Variants in ENPP6 observed in about 807,000 individuals in gnomAD.
ENPP6 encodes glycerophosphocholine cholinephosphodiesterase ENPP6.
ENPP6 carries 32 observed loss-of-function variants against 42.0 expected under a neutral mutation model. The ratio of observed to expected loss-of-function variants is 0.76; its 90% CI spans 0.58 to 1.02. The LOEUF is 1.02. ENPP6 is among the 50% of genes least tolerant of loss of function. The pLI, the probability that ENPP6 is intolerant of heterozygous loss-of-function variation, is 0.00. For synonymous variants in ENPP6, 213 were observed against 216.0 expected (o/e 0.99, Z 0.12); for missense variants, 552 against 566.8 (o/e 0.97, Z 0.27).
chr4:184,106,413 T>G (rs1447055721), intron 6 of ENPP6, among the ~76,000 whole-genome samples: 1 of 152,184 alleles, frequency 6.6e-6, no homozygotes, highest in East Asian at 1.9e-4. Flanking sequence ...AGCCCCATCT[T>G]GTTGCCACGT....
At chr4:184,166,658 C>T (rs1737353153) in intron 1 of ENPP6, among the ~76,000 whole-genome samples, 1 of 152,190 alleles carries the variant, frequency 6.6e-6, no homozygotes, top group Non-Finnish European at 1.5e-5. Context: ...AATGAAATCT[C>T]TTTTGAGGCA....
intron 1 of ENPP6, among the ~76,000 whole-genome samples, chr4:184,216,396 G>A (rs889844017): frequency 5.3e-5 from 8 of 151,870 alleles, no homozygotes; most frequent in South Asian, 2.1e-4. Context: ...TTATTTCTCC[G>A]AAGTATCTCT....
chr4:184,150,252 G>C (rs1304192680), intron 2 of ENPP6, among the ~76,000 whole-genome samples: 2 of 151,994 alleles, frequency 1.3e-5, no homozygotes, highest in African/African-American at 4.8e-5. Context: ...CTTCACTGTG[G>C]GTCAATTTTT....
rs1364100517 is a variant in ENPP6, at chr4:184,091,072, G to C, written c.*105C>G. The stretch of plus-strand genomic sequence containing the variant: ...ATGTATTTACAATGTGCATGGTCTT[G>C]ATTGTGTTAATGAAGCTATTATTCA... On this transcript the variant is annotated 3_prime_UTR_variant, in exon 8 of 8. Coordinates refer to ENST00000296741, the MANE Select transcript of ENPP6 (RefSeq NM_153343.4). 1.9e-6 allele frequency: 2 copies of C among 1,052,684 alleles called. No individual in the cohort carries two copies. The highest frequency in any genetic ancestry group is 2.7e-6 in the Non-Finnish European group (2 of 741,806). 65.2% of individuals were successfully genotyped at this position (1,052,684 alleles called of 1,614,324 possible).
intron 2 of ENPP6, among the ~76,000 whole-genome samples, chr4:184,149,136 GA>G (rs146258125): frequency 2.0e-5 from 3 of 152,158 alleles, no homozygotes. Flanking sequence ...ACATCTGCCT[GA>G]AAAAAATTCC....
intron 2 of ENPP6, 152 bp from the exon 3 acceptor site, chr4:184,124,424 GTGTATTTAAC>G (rs1736467077): frequency 1.7e-6 from 1 of 598,040 alleles, no homozygotes. Flanking sequence ...CTAATAAGTG[GTGTATTTAAC>G]TGTAATTTTG....
chr4:184,132,415 T>C lies in ENPP6; in HGVS notation c.422-8143A>G, dbSNP rs369886545. On this transcript the variant is annotated intron_variant, in intron 2 of 7. Transcript: ENST00000296741. ...GAGTTGACTTTTTCCTTTTTATTTA[T>C]AGGAATTGTGCATATGTTCCAGATA... Among the ~76,000 whole-genome samples, 432 of 152,234 alleles carry C rather than the reference T, an allele frequency of 2.8e-3. 3 individuals are homozygous for C. Among genetic ancestry groups the C allele is most frequent in the African/African-American group, 9.9e-3 (410 of 41,538 alleles).
chr4:184,127,879 G>T (rs144012788), intron 2 of ENPP6, among the ~76,000 whole-genome samples: 2 of 152,172 alleles, frequency 1.3e-5, no homozygotes, highest in Non-Finnish European at 2.9e-5. Context: ...TGGGTCTAAA[G>T]TTCCAAATTA....
chr4:184,149,710 T>G (rs371063026), intron 2 of ENPP6, among the ~76,000 whole-genome samples: 17 of 152,318 alleles, frequency 1.1e-4, no homozygotes, highest in African/African-American at 3.8e-4. Context: ...CCAAAGAGTT[T>G]TAAGCACAGA....
chr4:184,102,634 T>C (rs1231766021), intron 6 of ENPP6, among the ~76,000 whole-genome samples: 2 of 152,214 alleles, frequency 1.3e-5, no homozygotes, highest in Non-Finnish European at 2.9e-5. Context: ...GGTTGAAATC[T>C]GTCTTCTCTG....
chr4:184,182,862 TGTAGAGG>T (rs922400683), intron 1 of ENPP6, among the ~76,000 whole-genome samples: 2 of 151,980 alleles, frequency 1.3e-5, no homozygotes, highest in African/African-American at 4.8e-5. Flanking sequence ...TGTTGGGGAA[TGTAGAGG>T]GAGGGAGAGC....
At chr4:184,179,819 C>G (rs759191934) in intron 1 of ENPP6, among the ~76,000 whole-genome samples, 2 of 152,262 alleles carry the variant, frequency 1.3e-5, no homozygotes, top group Non-Finnish European at 2.9e-5. Context: ...TTCTTTGAAA[C>G]CAATGAGAAC....
At chr4:184,200,272 G>A (rs895044434) in intron 1 of ENPP6, among the ~76,000 whole-genome samples, 5 of 152,244 alleles carry the variant, frequency 3.3e-5, no homozygotes, top group East Asian at 1.9e-4. Context: ...ATTGACCAGC[G>A]TCCCAAGGAC....
intron 3 of ENPP6, among the ~76,000 whole-genome samples, chr4:184,123,273 T>C (rs941254277): frequency 6.6e-6 from 1 of 152,142 alleles, no homozygotes; most frequent in Non-Finnish European, 1.5e-5. Context: ...GGCCCTTTCA[T>C]GTGGCTCGTG....
chr4:184,165,489 C>T (rs1560998509), intron 1 of ENPP6, among the ~76,000 whole-genome samples: 2 of 152,276 alleles, frequency 1.3e-5, no homozygotes, highest in South Asian at 2.1e-4. Context: ...CAGGGCTTGC[C>T]GTTTTAATAC....
intron 1 of ENPP6, among the ~76,000 whole-genome samples, chr4:184,194,802 G>A (rs1220179067): frequency 6.6e-6 from 1 of 152,204 alleles, no homozygotes; most frequent in Non-Finnish European, 1.5e-5. Flanking sequence ...CCAGCCCAAA[G>A]CCACAGAACC....
At chr4:184,111,792 G>T (rs1283132131) in intron 6 of ENPP6, among the ~76,000 whole-genome samples, 2 of 152,132 alleles carry the variant, frequency 1.3e-5, no homozygotes, top group Non-Finnish European at 2.9e-5. Flanking sequence ...CCATGCCCAT[G>T]TCCCGGACTC....
chr4:184,194,932 A>G (rs1732771635), intron 1 of ENPP6, among the ~76,000 whole-genome samples: 1 of 152,144 alleles, frequency 6.6e-6, no homozygotes, highest in African/African-American at 2.4e-5. Context: ...CCTTTCCTAG[A>G]CCTCAGCAGG....
chr4:184,117,173 G>A (rs766152944), intron 4 of ENPP6, 138 bp from the exon 5 acceptor site: 3 of 1,071,738 alleles, frequency 2.8e-6, no homozygotes, highest in Non-Finnish European at 4.0e-6. Flanking sequence ...TTGCCCTGGT[G>A]AGACCCAGTT....
Sources: allele counts gnomAD v4.1 joint callset (sites outside exome capture counted in the v4.1 genomes callset), GRCh38; gene constraint gnomAD v4.1.1; transcripts MANE v1.5; gene names NCBI Gene and HGNC (gene_info 2026-07-23, HGNC 2026-07-21).